The following ABCA13 variants were observed in gnomAD, a reference collection of about 807,000 sequenced individuals.
ABCA13 encodes ATP binding cassette subfamily A member 13, also known as ATP-binding cassette sub-family A member 13.
ABCA13 carries 476 observed loss-of-function variants against 478.7 expected under a neutral mutation model. The ratio of observed to expected loss-of-function variants is 0.99; its 90% CI spans 0.92 to 1.07. The LOEUF is 1.07. Among genes scored for constraint, ABCA13 ranks in the 50% least tolerant of loss-of-function variants. ABCA13 has a pLI of 0.00. For synonymous variants in ABCA13, 2,252 were observed against 2,158.9 expected (o/e 1.04, Z -1.20); for missense variants, 6,060 against 5,910.6 (o/e 1.03, Z -0.83).
intron 48 of ABCA13, among the ~76,000 whole-genome samples, chr7:48,494,029 C>T (rs764725012): frequency 6.6e-6 from 1 of 152,156 alleles, no homozygotes; most frequent in Non-Finnish European, 1.5e-5. Context: ...TACTGGGTGT[C>T]AGGGGAGGAC....
At chr7:48,322,833 A>G (rs1584838819) in intron 27 of ABCA13, among the ~76,000 whole-genome samples, 1 of 152,102 alleles carries the variant, frequency 6.6e-6, no homozygotes, top group East Asian at 1.9e-4. Flanking sequence ...GCCCACACCA[A>G]ATCCCTCATT....
intron 55 of ABCA13, among the ~76,000 whole-genome samples, chr7:48,539,445 C>G: frequency 6.6e-6 from 1 of 151,846 alleles, no homozygotes; most frequent in East Asian, 1.9e-4. Context: ...TACAGAGATG[C>G]TTTAACTGTC....
chr7:48,555,399 G>A (rs779373681), intron 55 of ABCA13, among the ~76,000 whole-genome samples: 1 of 151,828 alleles, frequency 6.6e-6, no homozygotes, highest in Non-Finnish European at 1.5e-5. Context: ...AGTTTGAGTA[G>A]GATTGGTATT....
At chr7:48,581,734 T>C (rs981310350) in intron 56 of ABCA13, among the ~76,000 whole-genome samples, 24 of 152,206 alleles carry the variant, frequency 1.6e-4, no homozygotes, top group African/African-American at 5.3e-4. Context: ...ATTTAAATGG[T>C]AACCAATTAG....
chr7:48,498,770 C>G (rs1830489689), intron 48 of ABCA13, among the ~76,000 whole-genome samples: 1 of 151,856 alleles, frequency 6.6e-6, no homozygotes, highest in South Asian at 2.1e-4. Context: ...AGAAAGAATG[C>G]CAGGAGGTAG....
chr7:48,309,807 C>A, intron 23 of ABCA13, 140 bp from the exon 24 acceptor site: 2 of 815,694 alleles, frequency 2.5e-6, no homozygotes, highest in Non-Finnish European at 3.8e-6. Context: ...CCAGTTTGGG[C>A]TCCCCGCATC....
intron 41 of ABCA13, among the ~76,000 whole-genome samples, chr7:48,416,326 C>T (rs534109638): frequency 8.5e-4 from 129 of 152,204 alleles, no homozygotes; most frequent in Non-Finnish European, 1.7e-3. Context: ...TGATAGGTTC[C>T]GCCTAGGAAT....
intron 41 of ABCA13, among the ~76,000 whole-genome samples, chr7:48,417,093 T>C (rs76812862): frequency 0.04 from 6,066 of 152,290 alleles, 190 homozygotes; most frequent in East Asian, 0.16. Flanking sequence ...TAAGGCACTT[T>C]GGTTGTTTCT....
rs371207781 is a variant in ABCA13, at chr7:48,605,215, G to A, written c.14745-10070G>A. On this transcript the variant is annotated intron_variant, in intron 58 of 61. Transcript: ENST00000435803. ...AGTCTGTGTCTTTTAATTGGGGCAC[G>A]TAGCCCATTTACATTTAAGGTTAAT... 2.2e-3 allele frequency among the ~76,000 whole-genome samples: 329 copies of A among 151,822 alleles called. 2 individuals carry two copies. Among genetic ancestry groups the A allele is most frequent in the African/African-American group, 7.4e-3 (308 of 41,426 alleles).
intron 42 of ABCA13, 66 bp downstream of exon 42, chr7:48,427,937 C>T: frequency 4.4e-6 from 5 of 1,123,652 alleles, no homozygotes; most frequent in South Asian, 3.3e-5. Context: ...ATTCAACATC[C>T]CTTGTTTTAA....
chr7:48,352,593 TA>T (rs921883344), intron 31 of ABCA13, 106 bp downstream of exon 31: 75 of 1,329,592 alleles, frequency 5.6e-5, no homozygotes, highest in Admixed American at 1.4e-4. Flanking sequence ...AAAGCACTGT[TA>T]AAAAAGTTCA....
chr7:48,495,062 A>G (rs1327186405), intron 48 of ABCA13, among the ~76,000 whole-genome samples: 1 of 152,208 alleles, frequency 6.6e-6, no homozygotes, highest in Non-Finnish European at 1.5e-5. Flanking sequence ...AAACAACAAA[A>G]TAATTCTGTA....
intron 3 of ABCA13, among the ~76,000 whole-genome samples, chr7:48,210,258 C>T (rs1173787431): frequency 3.9e-5 from 6 of 152,038 alleles, no homozygotes; most frequent in South Asian, 2.1e-4. Context: ...ATAAAACCGC[C>T]GGATCTCATG....
intron 45 of ABCA13, among the ~76,000 whole-genome samples, chr7:48,473,078 A>G (rs370750315): frequency 2.0e-5 from 3 of 152,250 alleles, no homozygotes; most frequent in East Asian, 3.9e-4. Context: ...CCCTTATCAA[A>G]CCATCATATC....
chr7:48,592,111 C>A (rs147748066), intron 57 of ABCA13, among the ~76,000 whole-genome samples: 8 of 151,692 alleles, frequency 5.3e-5, no homozygotes, highest in African/African-American at 1.7e-4. Flanking sequence ...GCCTTTTATT[C>A]TTTTCTATTT....
chr7:48,244,634 C>A lies in ABCA13; in HGVS notation c.1321C>A (p.Leu441Met). The change falls in exon 11 of 62, where the codon CTG (leucine) becomes ATG (methionine). Residue 441 changes from leucine to methionine, a missense_variant. Leu to Met is a conservative substitution (Grantham distance 15, BLOSUM62 2). Around this residue, in one of 3 missense-constraint regions of ABCA13, gnomAD observed 4,423 missense variants for 4,309.1 expected, o/e 1.03. Transcript: ENST00000435803. ...GCAAAACCTGCCCCAGTGGCCGGCA[C>A]TGAAGAGATTTCTTCAGCTTGATGG... ...LLQNLPQWPA[L>M]KRFLQLDGAL... 1 of 1,613,306 alleles carries A rather than the reference C, an allele frequency of 6.2e-7. No homozygotes were observed. Among genetic ancestry groups the A allele is most frequent in the South Asian group, 1.1e-5 (1 of 91,008 alleles).
chr7:48,546,685 G>A (rs1918599), intron 55 of ABCA13, among the ~76,000 whole-genome samples: 35,605 of 151,014 alleles, frequency 0.24, 5,266 homozygotes, highest in Middle Eastern at 0.35. Context: ...TTAAGTGACC[G>A]TATCATAGAA....
intron 3 of ABCA13, among the ~76,000 whole-genome samples, chr7:48,204,915 C>T (rs952962740): frequency 3.9e-5 from 6 of 152,178 alleles, no homozygotes; most frequent in African/African-American, 1.2e-4. Flanking sequence ...ACGATCCAAG[C>T]TCCTGAGCCC....
intron 5 of ABCA13, among the ~76,000 whole-genome samples, chr7:48,224,582 G>A (rs73694373): frequency 0.85 from 129,161 of 152,140 alleles, 55,395 homozygotes; most frequent in Non-Finnish European, 0.92. Flanking sequence ...AAACATAACT[G>A]AGTATCAATA....
Sources: allele counts gnomAD v4.1 joint callset (sites outside exome capture counted in the v4.1 genomes callset), GRCh38; gene constraint gnomAD v4.1.1; regional missense constraint gnomAD v4.1.1; transcripts MANE v1.5; gene names NCBI Gene and HGNC (gene_info 2026-07-23, HGNC 2026-07-21).